Variants in POLN observed in about 807,000 individuals in gnomAD.
The protein encoded by POLN is DNA polymerase N.
Under a neutral mutation model 113.5 loss-of-function variants are expected in POLN, and 108 were observed. That is an observed-to-expected ratio of 0.95 (90% CI 0.81 to 1.12). The LOEUF is 1.12. Ranked by LOEUF, POLN falls within the 50% of genes most tolerant of loss-of-function variation. POLN has a pLI of 0.00. For synonymous variants in POLN, 386 were observed against 391.5 expected (o/e 0.99, Z 0.17); for missense variants, 1,097 against 1,077.1 (o/e 1.02, Z -0.26).
At chr4:2,096,364 C>T (rs1473230993) in intron 19 of POLN, among the ~76,000 whole-genome samples, 8 of 152,294 alleles carry the variant, frequency 5.3e-5, no homozygotes, top group Middle Eastern at 3.4e-3. Context: ...GTCCTGGCCT[C>T]CCACAGACAG....
At chr4:2,144,466 CT>C (rs1732084899) in intron 16 of POLN, among the ~76,000 whole-genome samples, 2 of 152,100 alleles carry the variant, frequency 1.3e-5, no homozygotes, top group African/African-American at 4.8e-5. Flanking sequence ...TAAGAAGACT[CT>C]TTTCTTAACT....
chr4:2,159,117 T>C, intron 14 of POLN, 38 bp downstream of exon 14: 1 of 1,475,428 alleles, frequency 6.8e-7, no homozygotes, highest in African/African-American at 1.4e-5. Flanking sequence ...TTCCCCCTCA[T>C]CACCTTTTAC....
intron 7 of POLN, among the ~76,000 whole-genome samples, chr4:2,188,232 A>G (rs1395703580): frequency 6.6e-6 from 1 of 152,208 alleles, no homozygotes; most frequent in Non-Finnish European, 1.5e-5. Flanking sequence ...GCCCCAGACA[A>G]ACAAAAACTG....
intron 19 of POLN, among the ~76,000 whole-genome samples, chr4:2,117,130 C>G (rs934837313): frequency 2.6e-5 from 4 of 152,138 alleles, no homozygotes; most frequent in African/African-American, 9.7e-5. Context: ...GATTGTGGCC[C>G]AGACTACATC....
intron 13 of POLN, among the ~76,000 whole-genome samples, chr4:2,162,019 C>G (rs928433152): frequency 6.6e-6 from 1 of 152,152 alleles, no homozygotes; most frequent in Non-Finnish European, 1.5e-5. Flanking sequence ...CCTGTCAAAA[C>G]AGACCACTCA....
At chr4:2,142,000 C>A (rs1426069538) in intron 16 of POLN, among the ~76,000 whole-genome samples, 2 of 152,174 alleles carry the variant, frequency 1.3e-5, no homozygotes, top group Non-Finnish European at 2.9e-5. Context: ...ATGCTCTCCC[C>A]CTCAGCACCT....
chr4:2,201,123 C>T (rs931796383), intron 5 of POLN, among the ~76,000 whole-genome samples: 1 of 151,160 alleles, frequency 6.6e-6, no homozygotes, highest in Non-Finnish European at 1.5e-5. Context: ...AAAAATTAGC[C>T]GGGCGTGGTG....
At chr4:2,183,018 A>C (rs1051587173) in intron 7 of POLN, among the ~76,000 whole-genome samples, 1 of 152,234 alleles carries the variant, frequency 6.6e-6, no homozygotes, top group African/African-American at 2.4e-5. Flanking sequence ...CATTTCCCCA[A>C]AAAAAGATAT....
At chr4:2,189,197 G>A (rs1369100435) in intron 7 of POLN, among the ~76,000 whole-genome samples, 2 of 148,574 alleles carry the variant, frequency 1.3e-5, no homozygotes, top group African/African-American at 5.2e-5. Context: ...AATGTAAATG[G>A]ACTAAATTCT....
At chr4:2,155,983 C>T (rs1001848509) in intron 16 of POLN, among the ~76,000 whole-genome samples, 6 of 152,028 alleles carry the variant, frequency 3.9e-5, no homozygotes, top group African/African-American at 9.7e-5. Flanking sequence ...TACAGGCACC[C>T]GCCACCACGC....
intron 7 of POLN, among the ~76,000 whole-genome samples, chr4:2,191,155 A>G (rs191594057): frequency 1.6e-4 from 25 of 152,368 alleles, no homozygotes; most frequent in Middle Eastern, 3.4e-3. Flanking sequence ...TGGTATTACT[A>G]TTCAGCCATA....
intron 13 of POLN, among the ~76,000 whole-genome samples, chr4:2,164,361 C>T (rs906029732): frequency 1.3e-5 from 2 of 151,592 alleles, no homozygotes; most frequent in East Asian, 1.9e-4. Context: ...ATTAGCCAGG[C>T]GTGGTGGTGC....
chr4:2,096,718 GA>G, intron 19 of POLN, among the ~76,000 whole-genome samples: 1 of 151,006 alleles, frequency 6.6e-6, no homozygotes, highest in Non-Finnish European at 1.5e-5. Flanking sequence ...GAGAGAGAGA[GA>G]GAGAGAGAGA....
intron 3 of POLN, among the ~76,000 whole-genome samples, chr4:2,224,908 C>G (rs1417456016): frequency 1.3e-5 from 2 of 151,966 alleles, no homozygotes; most frequent in Admixed American, 1.3e-4. Context: ...CGAGATTGCA[C>G]CACTGCACTC....
chr4:2,180,817 A>G (rs770388273), intron 7 of POLN, among the ~76,000 whole-genome samples: 3 of 152,256 alleles, frequency 2.0e-5, no homozygotes, highest in Admixed American at 6.5e-5. Context: ...GAAGCCTGCC[A>G]GGACAAATCC....
intron 16 of POLN, among the ~76,000 whole-genome samples, chr4:2,145,914 T>C (rs923744725): frequency 1.1e-4 from 17 of 152,160 alleles, no homozygotes; most frequent in African/African-American, 3.9e-4. Flanking sequence ...AATGACATAC[T>C]ATATAGCAGC....
intron 20 of POLN, among the ~76,000 whole-genome samples, chr4:2,088,278 T>C (rs549862463): frequency 4.3e-4 from 66 of 152,212 alleles, no homozygotes; most frequent in Non-Finnish European, 8.7e-4. Context: ...TTTTAAAACA[T>C]AATGTCTCAA....
chr4:2,091,970 G>C (rs954529860), intron 20 of POLN, among the ~76,000 whole-genome samples: 5 of 152,138 alleles, frequency 3.3e-5, no homozygotes, highest in African/African-American at 9.7e-5. Flanking sequence ...ACATGGGCTG[G>C]TCTAGCTGGA....
chr4:2,189,957 A>G lies in POLN; in HGVS notation c.1021+3247T>C, dbSNP rs1433778422. On this transcript the variant is annotated intron_variant, in intron 7 of 25. Coordinates refer to ENST00000511885, the MANE Select transcript of POLN (RefSeq NM_181808.4). ...CAAGAATCACTTGAACCCAGGAGGT[A>G]GAGGTTGCAGTGAGCTGAGATCACG... Among the ~76,000 whole-genome samples the G allele has an allele frequency of 1.4e-4, 21 of 149,654 alleles. 1 individual carries two copies. Among genetic ancestry groups the G allele is most frequent in the Admixed American group, 1.4e-3 (21 of 14,966 alleles).
Sources: gnomAD v4.1 joint callset for allele counts (sites outside exome capture counted in the v4.1 genomes callset) on GRCh38, gnomAD v4.1.1 for gene constraint, MANE v1.5 for transcripts, NCBI Gene and HGNC (gene_info 2026-07-23, HGNC 2026-07-21) for gene names.